The following ITGA9 variants were observed in gnomAD, a reference collection of about 807,000 sequenced individuals.
ITGA9 encodes the protein integrin alpha-9.
ITGA9 carries 56 observed loss-of-function variants against 127.8 expected under a neutral mutation model. The ratio of observed to expected loss-of-function variants is 0.44; its 90% CI spans 0.35 to 0.55. The LOEUF is 0.55. Ranked by LOEUF, ITGA9 falls within the 20% of genes least tolerant of loss-of-function variation. The pLI, the probability that ITGA9 is intolerant of heterozygous loss-of-function variation, is 0.00. For missense variants in ITGA9, 1,196 were observed against 1,347.1 expected (o/e 0.89, Z 1.76); for synonymous variants, 508 against 514.5 (o/e 0.99, Z 0.17).
rs139751038 is a variant in ITGA9 at position 37,675,991 on chromosome 3, C to G, written c.1917-7874C>G. The stretch of plus-strand genomic sequence containing the variant: ...TCTCTTGATCTCATGATCCACCCGC[C>G]TTGGCCTCCCAAAGTGCTGGGATTA... On this transcript the variant is annotated intron_variant, in intron 17 of 27. Coordinates refer to ENST00000264741, the MANE Select transcript of ITGA9 (RefSeq NM_002207.3). 6.4e-3 allele frequency among the ~76,000 whole-genome samples: 967 copies of G among 152,226 alleles called. 21 individuals carry two copies. Among genetic ancestry groups the G allele is most frequent in the Admixed American group, 0.042 (636 of 15,300 alleles).
chr3:37,489,149 C>G (rs991865829), intron 4 of ITGA9, among the ~76,000 whole-genome samples: 4 of 152,338 alleles, frequency 2.6e-5, no homozygotes, highest in African/African-American at 9.6e-5. Context: ...TAGCATCTGT[C>G]AGAATTTTCT....
chr3:37,721,331 G>A (rs1280644465), intron 18 of ITGA9, among the ~76,000 whole-genome samples: 1 of 151,896 alleles, frequency 6.6e-6, no homozygotes, highest in Admixed American at 6.6e-5. Flanking sequence ...GTCTAGGCTG[G>A]CCTTGAACTC....
chr3:37,649,067 T>C (rs1044346975), intron 16 of ITGA9, among the ~76,000 whole-genome samples: 3 of 139,888 alleles, frequency 2.1e-5, no homozygotes, highest in Non-Finnish European at 4.6e-5. Context: ...AGAAAATACC[T>C]ATGGAAGTTA....
chr3:37,605,800 CA>C (rs1559547540), intron 15 of ITGA9, among the ~76,000 whole-genome samples: 1 of 152,192 alleles, frequency 6.6e-6, no homozygotes, highest in African/African-American at 2.4e-5. Flanking sequence ...TTACTGCCAT[CA>C]GTGTCTCTCT....
chr3:37,811,828 A>G (rs1375458903), intron 27 of ITGA9, among the ~76,000 whole-genome samples: 2 of 152,228 alleles, frequency 1.3e-5, no homozygotes, highest in African/African-American at 4.8e-5. Context: ...AGGCTGCAGA[A>G]TGTGTTTGCC....
intron 18 of ITGA9, among the ~76,000 whole-genome samples, chr3:37,717,373 T>C (rs1216837781): frequency 2.0e-5 from 3 of 152,226 alleles, no homozygotes; most frequent in Admixed American, 6.5e-5. Flanking sequence ...TCATTTGTAA[T>C]AGCTTTTGAC....
intron 15 of ITGA9, among the ~76,000 whole-genome samples, chr3:37,618,725 A>G (rs1391392546): frequency 6.6e-6 from 1 of 152,230 alleles, no homozygotes; most frequent in Admixed American, 6.5e-5. Flanking sequence ...TGTGCTAGCA[A>G]TGAGCAAGGC....
At chr3:37,755,774 A>G (rs1372895570) in intron 23 of ITGA9, among the ~76,000 whole-genome samples, 1 of 152,146 alleles carries the variant, frequency 6.6e-6, no homozygotes, top group African/African-American at 2.4e-5. Context: ...TTAGAAGTCA[A>G]GAGAGATGGA....
chr3:37,599,296 CAT>C (rs1018591599), intron 15 of ITGA9, among the ~76,000 whole-genome samples: 11 of 152,276 alleles, frequency 7.2e-5, no homozygotes, highest in African/African-American at 1.9e-4. Flanking sequence ...TGGGCTCACT[CAT>C]GTGTTAGGGT....
At chr3:37,769,262 C>T (rs547930326) in intron 23 of ITGA9, among the ~76,000 whole-genome samples, 3 of 150,678 alleles carry the variant, frequency 2.0e-5, no homozygotes, top group South Asian at 2.1e-4. Flanking sequence ...CGCTTGAACC[C>T]GGAAGGCAGA....
At chr3:37,761,429 G>A (rs1696722077) in intron 23 of ITGA9, among the ~76,000 whole-genome samples, 1 of 152,164 alleles carries the variant, frequency 6.6e-6, no homozygotes, top group Non-Finnish European at 1.5e-5. Context: ...CAGCATAAAT[G>A]TTGACTTCTA....
chr3:37,561,851 A>T (rs2125600108), intron 15 of ITGA9, among the ~76,000 whole-genome samples: 1 of 151,960 alleles, frequency 6.6e-6, no homozygotes, highest in African/African-American at 2.4e-5. Flanking sequence ...CCTTCCGGGG[A>T]CTCATCTCTC....
At position 37,819,477 on chromosome 3, in the gene ITGA9, T is replaced by C. The variant is rs921455489; in HGVS notation, c.*488T>C. 6.3e-6 allele frequency: 1 copy of C among 159,038 alleles called. No homozygotes were observed. Among genetic ancestry groups the C allele is most frequent in the African/African-American group, 2.4e-5 (1 of 41,464 alleles). 9.9% of individuals were successfully genotyped at this position (159,038 alleles called of 1,614,324 possible). On this transcript the variant is annotated 3_prime_UTR_variant, in exon 28 of 28. Transcript: ENST00000264741. ...GAAAATCTTACCGTACTTTGGAACT[T>C]GCTGTTTAAAAAGACAGATGAAATA...
At chr3:37,477,346 A>G (rs1698504235) in intron 3 of ITGA9, among the ~76,000 whole-genome samples, 1 of 152,134 alleles carries the variant, frequency 6.6e-6, no homozygotes, top group Non-Finnish European at 1.5e-5. Context: ...TAGAAAACCT[A>G]AGAACAAATG....
At chr3:37,744,220 C>T (rs1391816907) in intron 22 of ITGA9, among the ~76,000 whole-genome samples, 186 bp downstream of exon 22, 2 of 152,168 alleles carry the variant, frequency 1.3e-5, no homozygotes, top group African/African-American at 2.4e-5. Flanking sequence ...CTCTGCTGTG[C>T]AGGCCCCTCT....
intron 1 of ITGA9, among the ~76,000 whole-genome samples, chr3:37,453,612 CG>C (rs1295755214): frequency 1.3e-5 from 2 of 152,066 alleles, no homozygotes; most frequent in African/African-American, 4.8e-5. Context: ...ACAGCCAGGC[CG>C]GGGTTGATTT....
chr3:37,640,148 C>T (rs964420252), intron 16 of ITGA9, among the ~76,000 whole-genome samples: 2 of 152,114 alleles, frequency 1.3e-5, no homozygotes, highest in African/African-American at 4.8e-5. Context: ...GATTTGGATA[C>T]GTTACATGGC....
intron 27 of ITGA9, among the ~76,000 whole-genome samples, chr3:37,810,423 CT>C (rs560251485): frequency 1.4e-3 from 202 of 143,762 alleles, no homozygotes; most frequent in Non-Finnish European, 1.1e-3. Context: ...TAGTCTGTTT[CT>C]TTTTTTTTTT....
chr3:37,521,213 C>A (rs745588852), intron 11 of ITGA9, among the ~76,000 whole-genome samples: 2 of 152,144 alleles, frequency 1.3e-5, no homozygotes, highest in African/African-American at 4.8e-5. Context: ...AAAAAAAATT[C>A]TTTAATGGCA....
Sources: allele counts gnomAD v4.1 joint callset (sites outside exome capture counted in the v4.1 genomes callset), GRCh38; gene constraint gnomAD v4.1.1; transcripts MANE v1.5; gene names NCBI Gene and HGNC (gene_info 2026-07-23, HGNC 2026-07-21).